Variants in PSEN1 observed in about 807,000 individuals in gnomAD.
PSEN1 encodes the protein presenilin 1, also known as presenilin-1.
A neutral mutation model predicts 53.5 loss-of-function variants in PSEN1; 15 were observed. The observed-to-expected ratio is 0.28, with a 90% CI of 0.19 to 0.43. The LOEUF is 0.43. PSEN1 is among the 20% of genes least tolerant of loss of function. The pLI, the probability that PSEN1 is intolerant of heterozygous loss-of-function variation, is 1.00. For synonymous variants in PSEN1, 208 were observed against 209.8 expected, an observed-to-expected ratio of 0.99 and a Z score of 0.08; for missense variants, 387 against 571.2, an observed-to-expected ratio of 0.68 and a Z score of 3.29.
At chr14:73,161,053 C>T (rs1267567662) in intron 3 of PSEN1, among the ~76,000 whole-genome samples, 2 of 149,980 alleles carry the variant, frequency 1.3e-5, no homozygotes, top group Non-Finnish European at 2.9e-5. Flanking sequence ...GGGCTCACTG[C>T]AACTTCCGCC....
At chr14:73,211,255 T>G (rs177415) in intron 9 of PSEN1, among the ~76,000 whole-genome samples, 94,153 of 152,078 alleles carry the variant, frequency 0.62, 29,776 homozygotes, top group African/African-American at 0.73. Flanking sequence ...CATCACTAGT[T>G]TATAGGCTTG....
rs755402092 is a variant in PSEN1, at chr14:73,170,877, G to A, written c.168G>A (p.Gln56=). Residue 56 remains glutamine (Q), a synonymous_variant, in exon 4 of 12, where the codon CAG becomes CAA. Coordinates refer to ENST00000324501, the MANE Select transcript of PSEN1 (RefSeq NM_000021.4). ...AGCCATTATCTAATGGACGACCCCA[G>A]GGTAACTCCCGGCAGGTGGTGGAGC... The part of the protein sequence containing the change: ...HPEPLSNGRP[Q]GNSRQVVEQD... 1.2e-6 allele frequency: 2 copies of A among 1,614,102 alleles called. No homozygotes were observed.
At chr14:73,212,176 T>A (rs1211845475) in intron 10 of PSEN1, among the ~76,000 whole-genome samples, 1 of 134,136 alleles carries the variant, frequency 7.5e-6, no homozygotes, top group Non-Finnish European at 1.5e-5. Context: ...AATGGTGCGA[T>A]CTTGGCTCAC....
intron 5 of PSEN1, among the ~76,000 whole-genome samples, chr14:73,185,411 C>G (rs1898464686): frequency 6.6e-6 from 1 of 152,340 alleles, no homozygotes; most frequent in African/African-American, 2.4e-5. Flanking sequence ...GGAGACCGGC[C>G]TGGCCAACAC....
At chr14:73,147,701 G>C in intron 1 of PSEN1, 94 bp from the exon 2 acceptor site, 1 of 361,002 alleles carries the variant, frequency 2.8e-6, no homozygotes, top group Non-Finnish European at 5.3e-6. Context: ...ATACATTCCT[G>C]GTTTACAAAT....
chr14:73,196,658 A>G (rs1595040600), intron 7 of PSEN1, among the ~76,000 whole-genome samples: 1 of 151,032 alleles, frequency 6.6e-6, no homozygotes, highest in Non-Finnish European at 1.5e-5. Flanking sequence ...TATTTTTGGT[A>G]GAGACGGGGT....
rs886050664 is a variant in PSEN1, at chr14:73,219,312, T to C, written c.*23T>C. On this transcript the variant is annotated 3_prime_UTR_variant, in exon 12 of 12. Coordinates refer to ENST00000324501, the MANE Select transcript of PSEN1 (RefSeq NM_000021.4). ...TAGCATATTTGCGGTTAGAATCCCATGGATGTTTCTTCTTTGACTATAACA... is the reference window on the plus strand; with the variant it reads ...TAGCATATTTGCGGTTAGAATCCCACGGATGTTTCTTCTTTGACTATAACA... 6.2e-6 allele frequency: 10 copies of C among 1,603,582 alleles called. No individual in the cohort carries two copies. The highest frequency in any genetic ancestry group is 8.5e-7 in the Non-Finnish European group (1 of 1,171,064).
intron 1 of PSEN1, chr14:73,136,906 G>A (rs1319303314): frequency 6.5e-6 from 1 of 154,418 alleles, no homozygotes; most frequent in East Asian, 1.9e-4. Flanking sequence ...GTAGGAGAAA[G>A]AGGAAGCGTC....
intron 8 of PSEN1, among the ~76,000 whole-genome samples, chr14:73,200,786 A>G (rs1049848896): frequency 5.9e-5 from 9 of 151,982 alleles, no homozygotes; most frequent in African/African-American, 2.2e-4. Context: ...CGTGGTGGCT[A>G]ACACCTGTAA....
At chr14:73,137,443 G>A (rs1324682016) in intron 1 of PSEN1, among the ~76,000 whole-genome samples, 1 of 152,226 alleles carries the variant, frequency 6.6e-6, no homozygotes, top group Non-Finnish European at 1.5e-5. Context: ...GTGTCACTTT[G>A]GAAGTGCCAG....
chr14:73,136,879 G>A (rs201108356), intron 1 of PSEN1: 83 of 153,532 alleles, frequency 5.4e-4, no homozygotes, highest in Non-Finnish European at 3.0e-4. Flanking sequence ...ATTAGTAGCC[G>A]TCTGAACTGG....
intron 9 of PSEN1, among the ~76,000 whole-genome samples, chr14:73,208,474 G>A (rs1899543888): frequency 6.6e-6 from 1 of 151,774 alleles, no homozygotes; most frequent in Non-Finnish European, 1.5e-5. Flanking sequence ...TCATCCTGAT[G>A]TCTGTAATCC....
intron 6 of PSEN1, among the ~76,000 whole-genome samples, chr14:73,190,220 G>A (rs556688457): frequency 1.3e-5 from 2 of 152,298 alleles, no homozygotes; most frequent in South Asian, 4.1e-4. Flanking sequence ...GGGTGTGGTG[G>A]CTCACACTTG....
intron 8 of PSEN1, among the ~76,000 whole-genome samples, chr14:73,204,097 C>G (rs145154229): frequency 0.022 from 3,392 of 152,268 alleles, 130 homozygotes; most frequent in African/African-American, 0.075. Flanking sequence ...CTCCTGGATT[C>G]AAGCAATTCT....
intron 5 of PSEN1, among the ~76,000 whole-genome samples, chr14:73,174,603 T>G (rs1362123324): frequency 6.6e-6 from 1 of 152,224 alleles, no homozygotes; most frequent in East Asian, 1.9e-4. Context: ...ATGAATCTCC[T>G]CATTCACAAA....
chr14:73,156,282 T>G (rs1897352254), intron 3 of PSEN1, among the ~76,000 whole-genome samples: 2 of 151,798 alleles, frequency 1.3e-5, no homozygotes, highest in Non-Finnish European at 2.9e-5. Flanking sequence ...CTTGAGCCTG[T>G]GAAGTGGAAG....
At chr14:73,153,792 A>C (rs1897287566) in intron 3 of PSEN1, among the ~76,000 whole-genome samples, 1 of 146,106 alleles carries the variant, frequency 6.8e-6, no homozygotes, top group African/African-American at 2.6e-5. Context: ...GGCTCACTGC[A>C]GCCTCTGCCT....
At chr14:73,195,703 T>TGTCTCAGCCTCCC (rs1478084313) in intron 7 of PSEN1, among the ~76,000 whole-genome samples, 1 of 152,140 alleles carries the variant, frequency 6.6e-6, no homozygotes, top group Non-Finnish European at 1.5e-5. Context: ...GCAGTCCTCC[T>TGTCTCAGCCTCCC]GTCTCAGCCT....
Position 73,175,168 on chromosome 14 carries a change from G to A in PSEN1, c.480+1461G>A, listed in dbSNP as rs115334263. Reference sequence around the variant, plus strand: ...CGAGACGAAGTCTCGCTCTTGTCCCGCAGGCTGGAGTGTGACAGCGCGATC... The same window carrying A: ...CGAGACGAAGTCTCGCTCTTGTCCCACAGGCTGGAGTGTGACAGCGCGATC... On this transcript the variant is annotated intron_variant, in intron 5 of 11. Transcript: ENST00000324501. Among the ~76,000 whole-genome samples, 244 of 151,876 alleles carry A rather than the reference G, an allele frequency of 1.6e-3. 1 individual carries two copies. The highest frequency in any genetic ancestry group is 5.8e-3 in the African/African-American group (241 of 41,430).
Sources: gnomAD v4.1 joint callset for allele counts (sites outside exome capture counted in the v4.1 genomes callset) on GRCh38, gnomAD v4.1.1 for gene constraint, MANE v1.5 for transcripts, NCBI Gene and HGNC (gene_info 2026-07-23, HGNC 2026-07-21) for gene names.